Variants in MACROD2 observed in about 807,000 individuals in gnomAD.
MACROD2 encodes ADP-ribose glycohydrolase MACROD2.
Under a neutral mutation model 70.4 loss-of-function variants are expected in MACROD2, and 36 were observed. The observed-to-expected ratio is 0.51, with a 90% CI of 0.39 to 0.68. The LOEUF is 0.68. Among genes scored for constraint, MACROD2 ranks in the 30% least tolerant of loss-of-function variants. MACROD2 has a pLI of 0.00. For missense variants in MACROD2, 496 were observed against 538.4 expected (o/e 0.92, Z 0.78); for synonymous variants, 172 against 178.8 (o/e 0.96, Z 0.30).
intron 3 of MACROD2, among the ~76,000 whole-genome samples, chr20:14,415,772 G>A (rs2083797108): frequency 6.6e-6 from 1 of 152,148 alleles, no homozygotes; most frequent in Non-Finnish European, 1.5e-5. Flanking sequence ...TTCAGCAACA[G>A]GTGTAAGGCA....
intron 3 of MACROD2, among the ~76,000 whole-genome samples, chr20:14,379,608 C>T (rs984085518): frequency 6.6e-6 from 1 of 151,900 alleles, no homozygotes; most frequent in African/African-American, 2.4e-5. Flanking sequence ...ACAATAATTC[C>T]CCATTTTTAC....
At chr20:15,109,116 G>A (rs139990687) in intron 5 of MACROD2, among the ~76,000 whole-genome samples, 178 of 152,270 alleles carry the variant, frequency 1.2e-3, no homozygotes, top group African/African-American at 3.7e-3. Flanking sequence ...CTTCAACAGA[G>A]TTGAGTGGTC....
chr20:14,748,107 C>G (rs1469257153), intron 5 of MACROD2, among the ~76,000 whole-genome samples: 1 of 152,022 alleles, frequency 6.6e-6, no homozygotes, highest in Non-Finnish European at 1.5e-5. Context: ...CTTGATGAGC[C>G]TTTCCTTCTC....
intron 4 of MACROD2, among the ~76,000 whole-genome samples, chr20:14,545,890 T>C (rs749720928): frequency 6.6e-6 from 1 of 152,230 alleles, no homozygotes; most frequent in Non-Finnish European, 1.5e-5. Context: ...GATATCTGTA[T>C]ACATGTGCAC....
intron 5 of MACROD2, among the ~76,000 whole-genome samples, chr20:15,061,702 T>C (rs2075534249): frequency 1.3e-5 from 2 of 152,108 alleles, no homozygotes; most frequent in African/African-American, 4.8e-5. Context: ...AAAATTTGTA[T>C]TGGGTAAAAA....
At chr20:14,844,917 C>T (rs1457835775) in intron 5 of MACROD2, among the ~76,000 whole-genome samples, 1 of 152,044 alleles carries the variant, frequency 6.6e-6, no homozygotes, top group African/African-American at 2.4e-5. Flanking sequence ...ATATTCCTGT[C>T]ACATTGAGCT....
chr20:15,137,156 C>T (rs1204348797), intron 5 of MACROD2, among the ~76,000 whole-genome samples: 2 of 147,180 alleles, frequency 1.4e-5, no homozygotes, highest in African/African-American at 5.0e-5. Flanking sequence ...TGTGGCGATT[C>T]CTCAGGGATC....
chr20:14,677,005 C>A (rs2070869819), intron 4 of MACROD2, among the ~76,000 whole-genome samples: 1 of 152,022 alleles, frequency 6.6e-6, no homozygotes, highest in Non-Finnish European at 1.5e-5. Flanking sequence ...TGTCTTGGTT[C>A]TCTTTTATTT....
chr20:14,420,710 A>G (rs1347868049), intron 3 of MACROD2, among the ~76,000 whole-genome samples: 1 of 151,908 alleles, frequency 6.6e-6, no homozygotes, highest in African/African-American at 2.4e-5. Context: ...TCTTTTTTTG[A>G]GACCAGGTCT....
rs567490281 is a variant in MACROD2 at position 15,463,975 on chromosome 20, C to T, written c.571+32540C>T. Among the ~76,000 whole-genome samples, 62 of 152,214 alleles carry T rather than the reference C, an allele frequency of 4.1e-4. 1 individual carries two copies. Among genetic ancestry groups the T allele is most frequent in the African/African-American group, 1.4e-3 (59 of 41,542 alleles). ...AGTCCCTTCTATGATTTTAGCCATT[C>T]GATGAAGGATCTTTGCACCCATCAG... On this transcript the variant is annotated intron_variant, in intron 7 of 17. Coordinates refer to ENST00000684519, the MANE Select transcript of MACROD2 (RefSeq NM_001351661.2).
At chr20:15,751,049 A>C (rs1422664954) in intron 8 of MACROD2, among the ~76,000 whole-genome samples, 1 of 152,006 alleles carries the variant, frequency 6.6e-6, no homozygotes, top group Non-Finnish European at 1.5e-5. Flanking sequence ...AATTGCAATT[A>C]AAATAGATGA....
chr20:15,842,205 C>T (rs565256517), intron 8 of MACROD2, among the ~76,000 whole-genome samples: 1 of 152,072 alleles, frequency 6.6e-6, no homozygotes, highest in Non-Finnish European at 1.5e-5. Flanking sequence ...TCAGGGTAGG[C>T]TTTGTGACTT....
intron 8 of MACROD2, among the ~76,000 whole-genome samples, chr20:15,636,281 A>G (rs1345430238): frequency 2.6e-5 from 4 of 152,128 alleles, no homozygotes; most frequent in African/African-American, 7.2e-5. Context: ...CACTGACAAA[A>G]GAACACATTC....
In MACROD2 at chr20:14,523,984, A is replaced by G. The variant is rs536854358; in HGVS notation, c.301+30476A>G. Among the ~76,000 whole-genome samples, 19 of 152,368 alleles carry G rather than the reference A, an allele frequency of 1.2e-4. No homozygotes were observed. In the South Asian group the frequency reaches 1.7e-3, roughly 13 times the overall value. The stretch of plus-strand genomic sequence containing the variant: ...TTGTTCATCTAGAGTTAATCTGGAC[A>G]TTGTTCTAGATAAAACACACATAAA... On this transcript the variant is annotated intron_variant, in intron 4 of 17. Transcript: ENST00000684519.
chr20:14,525,250 A>T (rs764373500), intron 4 of MACROD2, among the ~76,000 whole-genome samples: 8 of 152,194 alleles, frequency 5.3e-5, no homozygotes, highest in Non-Finnish European at 1.0e-4. Flanking sequence ...AAGATTGCTC[A>T]GATAAAATTT....
intron 10 of MACROD2, among the ~76,000 whole-genome samples, chr20:15,932,414 C>G (rs1314641876): frequency 1.3e-5 from 2 of 152,192 alleles, no homozygotes; most frequent in African/African-American, 4.8e-5. Context: ...ATGGGCTCCA[C>G]TCCTTCAGAG....
intron 5 of MACROD2, among the ~76,000 whole-genome samples, chr20:14,797,094 A>G (rs191139171): frequency 6.6e-6 from 1 of 152,094 alleles, no homozygotes; most frequent in African/African-American, 2.4e-5. Context: ...GCAATTCATT[A>G]TCACAGTCTG....
chr20:14,483,498 C>G (rs1238619558), intron 3 of MACROD2, among the ~76,000 whole-genome samples: 5 of 152,100 alleles, frequency 3.3e-5, no homozygotes, highest in Non-Finnish European at 7.4e-5. Context: ...CCTCCACCTC[C>G]CAGGTTCAAG....
intron 5 of MACROD2, among the ~76,000 whole-genome samples, chr20:15,045,916 T>C (rs1395889863): frequency 6.6e-6 from 1 of 152,038 alleles, no homozygotes; most frequent in African/African-American, 2.4e-5. Flanking sequence ...GGTGTTCTGC[T>C]GGCTCGCCTC....
Sources: gnomAD v4.1 joint callset for allele counts (sites outside exome capture counted in the v4.1 genomes callset) on GRCh38, gnomAD v4.1.1 for gene constraint, MANE v1.5 for transcripts, NCBI Gene and HGNC (gene_info 2026-07-23, HGNC 2026-07-21) for gene names.